The following TNFRSF21 variants were observed in gnomAD, a reference collection of about 807,000 sequenced individuals.
TNFRSF21 encodes tumor necrosis factor receptor superfamily member 21.
A neutral mutation model predicts 45.6 loss-of-function variants in TNFRSF21; 19 were observed. That is an observed-to-expected ratio of 0.42 (90% CI 0.29 to 0.61). The LOEUF (loss-of-function observed/expected upper bound fraction) is 0.61, where lower values mean the gene tolerates loss of function less well. Among genes scored for constraint, TNFRSF21 ranks in the 20% least tolerant of loss-of-function variants. The pLI is 0.23. For synonymous variants in TNFRSF21, 314 were observed against 335.5 expected (o/e 0.94, Z 0.70); for missense variants, 737 against 851.5 (o/e 0.87, Z 1.67).
chr6:47,261,693 G>A (rs890774154), intron 3 of TNFRSF21, among the ~76,000 whole-genome samples: 6 of 152,170 alleles, frequency 3.9e-5, no homozygotes, highest in African/African-American at 7.2e-5. Flanking sequence ...GATCCACTAC[G>A]TCCACTTTAG....
chr6:47,282,307 C>A (rs1340390306), intron 3 of TNFRSF21, among the ~76,000 whole-genome samples: 1 of 150,154 alleles, frequency 6.7e-6, no homozygotes, highest in Non-Finnish European at 1.5e-5. Context: ...ATCGCTTGAA[C>A]CTGGGAGGTG....
intron 3 of TNFRSF21, among the ~76,000 whole-genome samples, chr6:47,283,727 G>C (rs1055315004): frequency 2.5e-4 from 38 of 152,174 alleles, no homozygotes; most frequent in African/African-American, 7.7e-4. Context: ...AAAGGTACCA[G>C]GGGAAAAGGA....
At chr6:47,245,540 T>C (rs1764813058) in intron 4 of TNFRSF21, among the ~76,000 whole-genome samples, 1 of 151,938 alleles carries the variant, frequency 6.6e-6, no homozygotes, top group African/African-American at 2.4e-5. Flanking sequence ...ACTTTTCTCC[T>C]TACGATCTGC....
At chr6:47,287,227 A>G (rs1762662846) in intron 1 of TNFRSF21, among the ~76,000 whole-genome samples, 1 of 150,148 alleles carries the variant, frequency 6.7e-6, no homozygotes, top group South Asian at 2.1e-4. Context: ...TAATCGCTTG[A>G]ACCCAGGAGG....
At chr6:47,264,669 C>T (rs887345167) in intron 3 of TNFRSF21, among the ~76,000 whole-genome samples, 3 of 152,150 alleles carry the variant, frequency 2.0e-5, no homozygotes, top group Non-Finnish European at 1.5e-5. Flanking sequence ...TTTTAGGCTA[C>T]AAGCATAAGA....
In TNFRSF21 at chr6:47,284,421, T is replaced by C. The variant is rs199925353; in HGVS notation, c.760A>G (p.Thr254Ala). Residue 254 changes from threonine to alanine, a missense_variant, in exon 3 of 6, where the codon ACA (threonine) becomes GCA (alanine). Physicochemically the swap from Thr to Ala is moderately conservative, Grantham distance 58. Coordinates refer to ENST00000296861, the MANE Select transcript of TNFRSF21 (RefSeq NM_014452.5). ...ACAGAGGCAGAAGAGTTGGATTCTGTTGAGTTCATGCCTAGAAAAAAGAGT... is the reference window on the plus strand; with the variant it reads ...ACAGAGGCAGAAGAGTTGGATTCTGCTGAGTTCATGCCTAGAAAAAAGAGT... ...STYVPKGMNS[T>A]ESNSSASVRP... 5 of 1,517,706 alleles carry C rather than the reference T, an allele frequency of 3.3e-6. No individual in the cohort carries two copies. In the East Asian group the frequency reaches 6.8e-5, roughly 21 times the overall value. 94.0% of individuals were successfully genotyped at this position (1,517,706 alleles called of 1,614,324 possible). A position where few individuals can be genotyped will look rare whatever the true frequency, so the allele number is the denominator to read the frequency against.
chr6:47,258,966 T>C (rs931274901), intron 3 of TNFRSF21, among the ~76,000 whole-genome samples: 1 of 152,220 alleles, frequency 6.6e-6, no homozygotes, highest in Admixed American at 6.5e-5. Context: ...AAAAGTAGGC[T>C]GGATATGGCC....
chr6:47,302,993 C>T (rs1762891957), intron 1 of TNFRSF21, among the ~76,000 whole-genome samples: 1 of 152,180 alleles, frequency 6.6e-6, no homozygotes, highest in African/African-American at 2.4e-5. Flanking sequence ...AAGATAAGTA[C>T]TCAATAAATA....
intron 3 of TNFRSF21, among the ~76,000 whole-genome samples, chr6:47,279,994 TA>T (rs551402020): frequency 1.2e-4 from 19 of 152,208 alleles, no homozygotes; most frequent in Non-Finnish European, 2.6e-4. Context: ...TCCATGAAAG[TA>T]GGATTGTAGC....
At chr6:47,264,504 G>A (rs1031768444) in intron 3 of TNFRSF21, among the ~76,000 whole-genome samples, 4 of 152,120 alleles carry the variant, frequency 2.6e-5, no homozygotes, top group African/African-American at 9.7e-5. Context: ...GACAGAGCAA[G>A]ACTCCATCTC....
At chr6:47,263,615 A>G (rs2113854653) in intron 3 of TNFRSF21, among the ~76,000 whole-genome samples, 1 of 152,292 alleles carries the variant, frequency 6.6e-6, no homozygotes, top group Non-Finnish European at 1.5e-5. Flanking sequence ...TTTCAAGGAA[A>G]AGGGAGGCAA....
rs765591650 is a variant in TNFRSF21, at chr6:47,284,074, A to G, written c.1107T>C (p.Ser369=). The G allele has an allele frequency of 1.2e-6, 2 of 1,614,172 alleles. No individual in the cohort carries two copies. The highest frequency in any genetic ancestry group is 2.2e-5 in the East Asian group (1 of 44,868). The change falls in exon 3 of 6, where the codon AGT becomes AGC. Residue 369 remains serine (S), a synonymous_variant. Transcript: ENST00000296861. ...LLVLVVIVVC[S]IRKSSRTLKK... Reference sequence around the variant, plus strand: ...TCAGAGTCCTCGAGCTTTTCCGGATACTGCACACCACAATCACCACAAGCA... The same window carrying G: ...TCAGAGTCCTCGAGCTTTTCCGGATGCTGCACACCACAATCACCACAAGCA...
At position 47,289,715 on chromosome 6, in the gene TNFRSF21, C is replaced by T. The variant is rs370942457; in HGVS notation, c.97-3120G>A. On this transcript the variant is annotated intron_variant, in intron 1 of 5. Coordinates refer to ENST00000296861, the MANE Select transcript of TNFRSF21 (RefSeq NM_014452.5). ...AGTTACATTTGTCAAGAATACCAGC[C>T]GGGCACGGTGGCTCATGCCTGTAAT... 1.4e-3 allele frequency among the ~76,000 whole-genome samples: 211 copies of T among 152,246 alleles called. 1 individual carries two copies. The highest frequency in any genetic ancestry group is 2.5e-3 in the Non-Finnish European group (173 of 68,008).
chr6:47,246,502 G>A (rs187971311), intron 4 of TNFRSF21, among the ~76,000 whole-genome samples: 17 of 152,260 alleles, frequency 1.1e-4, no homozygotes, highest in Non-Finnish European at 2.1e-4. Context: ...AATTCAGAGA[G>A]ACAAAGTCAA....
chr6:47,274,569 T>C (rs1762469635), intron 3 of TNFRSF21, among the ~76,000 whole-genome samples: 2 of 152,196 alleles, frequency 1.3e-5, no homozygotes, highest in Non-Finnish European at 1.5e-5. Flanking sequence ...ATTCAGGACA[T>C]AGGCATGGGC....
intron 4 of TNFRSF21, among the ~76,000 whole-genome samples, chr6:47,245,161 ACT>A (rs943679118): frequency 1.3e-5 from 2 of 151,984 alleles, no homozygotes; most frequent in Admixed American, 6.6e-5. Flanking sequence ...ATGGTGAGAC[ACT>A]CTGTCTCAGA....
At chr6:47,249,437 G>T (rs1171428015) in intron 4 of TNFRSF21, among the ~76,000 whole-genome samples, 3 of 152,094 alleles carry the variant, frequency 2.0e-5, no homozygotes, top group Non-Finnish European at 2.9e-5. Flanking sequence ...GTGAAATAAT[G>T]CAATTTATTT....
At chr6:47,266,444 T>A (rs1217269747) in intron 3 of TNFRSF21, among the ~76,000 whole-genome samples, 1 of 152,176 alleles carries the variant, frequency 6.6e-6, no homozygotes, top group East Asian at 1.9e-4. Flanking sequence ...AGTAGTACAT[T>A]GTGGATAAGG....
At chr6:47,275,275 A>G (rs891508377) in intron 3 of TNFRSF21, among the ~76,000 whole-genome samples, 3 of 152,190 alleles carry the variant, frequency 2.0e-5, no homozygotes, top group African/African-American at 7.2e-5. Context: ...TCAATGATAG[A>G]CTGGATTAAA....
Sources: gnomAD v4.1 joint callset for allele counts (sites outside exome capture counted in the v4.1 genomes callset) on GRCh38, gnomAD v4.1.1 for gene constraint, MANE v1.5 for transcripts, NCBI Gene and HGNC (gene_info 2026-07-23, HGNC 2026-07-21) for gene names.